Variants in PLEKHG1 observed in about 807,000 individuals in gnomAD.
PLEKHG1 encodes the protein pleckstrin homology and RhoGEF domain containing G1, also known as pleckstrin homology domain-containing family G member 1.
PLEKHG1 carries 44 observed loss-of-function variants against 100.8 expected under a neutral mutation model. That is an observed-to-expected ratio of 0.44 (90% CI 0.34 to 0.56). The LOEUF (loss-of-function observed/expected upper bound fraction) is 0.56. Among genes scored for constraint, PLEKHG1 ranks in the 20% least tolerant of loss-of-function variants. The pLI is 0.01. For synonymous variants in PLEKHG1, 640 were observed against 662.5 expected, an observed-to-expected ratio of 0.97 and a Z score of 0.52; for missense variants, 1,545 against 1,720.9, an observed-to-expected ratio of 0.90 and a Z score of 1.81.
intron 3 of PLEKHG1, among the ~76,000 whole-genome samples, chr6:150,682,458 TG>T (rs1311612891): frequency 1.3e-5 from 2 of 151,892 alleles, no homozygotes; most frequent in African/African-American, 4.8e-5. Flanking sequence ...CCACCAGACA[TG>T]GAGGCTTGGG....
At chr6:150,607,463 ATTAG>A (rs1776649340) in intron 1 of PLEKHG1, among the ~76,000 whole-genome samples, 1 of 152,226 alleles carries the variant, frequency 6.6e-6, no homozygotes, top group Non-Finnish European at 1.5e-5. Context: ...GTAACCTGCT[ATTAG>A]TTTAAGCATC....
intron 4 of PLEKHG1, among the ~76,000 whole-genome samples, chr6:150,790,149 G>A (rs1785886452): frequency 6.6e-6 from 1 of 152,126 alleles, no homozygotes; most frequent in Non-Finnish European, 1.5e-5. Flanking sequence ...GCCCCCACGA[G>A]TAGCTGGGAT....
chr6:150,752,195 T>A (rs559389802), intron 2 of PLEKHG1, among the ~76,000 whole-genome samples: 12 of 151,956 alleles, frequency 7.9e-5, no homozygotes, highest in South Asian at 2.1e-4. Context: ...CAAAAAAAAA[T>A]AAAATAAAAT....
intron 2 of PLEKHG1, among the ~76,000 whole-genome samples, chr6:150,763,350 G>A (rs1420394557): frequency 6.6e-6 from 1 of 152,038 alleles, no homozygotes; most frequent in Non-Finnish European, 1.5e-5. Context: ...TATCTTATCA[G>A]TCACAATGTT....
intron 2 of PLEKHG1, among the ~76,000 whole-genome samples, chr6:150,649,605 G>A (rs1426565317): frequency 1.3e-5 from 2 of 152,200 alleles, no homozygotes; most frequent in South Asian, 2.1e-4. Context: ...GGCTGGACGC[G>A]GTGGCTTATG....
chr6:150,801,427 C>CTTTTTTT (rs1562529984), intron 6 of PLEKHG1, among the ~76,000 whole-genome samples: 1 of 132,952 alleles, frequency 7.5e-6, no homozygotes. Context: ...ATTCTTTTTT[C>CTTTTTTT]TTTTCTTTTC....
At chr6:150,763,024 CTTTTT>C (rs60462437) in intron 2 of PLEKHG1, among the ~76,000 whole-genome samples, 29 of 76,506 alleles carry the variant, frequency 3.8e-4, no homozygotes, top group African/African-American at 1.9e-3. Context: ...GATAAAGCTT[CTTTTT>C]TTTTTTTTTT....
rs1460422610 is a variant in PLEKHG1 at position 150,626,484 on chromosome 6, A to G, written c.-203-11596A>G. 4.6e-5 allele frequency among the ~76,000 whole-genome samples: 7 copies of G among 152,242 alleles called. No homozygotes were observed. In the East Asian group the frequency reaches 1.4e-3, roughly 29 times the overall value. On this transcript the variant is annotated intron_variant, in intron 1 of 3. Transcript: ENST00000367326. ...GAAGGGGCGTTGGGGACACCAGAAC[A>G]TGTGCTCTGTCTCTGTTTACTGCCG... is the stretch of plus-strand genomic sequence containing the variant.
intron 3 of PLEKHG1, among the ~76,000 whole-genome samples, chr6:150,680,110 G>A (rs1779884053): frequency 6.6e-6 from 1 of 152,204 alleles, no homozygotes; most frequent in Non-Finnish European, 1.5e-5. Context: ...ATGGGGTAAG[G>A]ATAGGGTGAC....
intron 3 of PLEKHG1, among the ~76,000 whole-genome samples, chr6:150,715,838 G>T (rs918979385): frequency 1.3e-5 from 2 of 149,250 alleles, no homozygotes; most frequent in African/African-American, 4.9e-5. Context: ...GCCGGGCGCG[G>T]TGGCTCACGC....
At chr6:150,642,793 G>A (rs762521497) in intron 2 of PLEKHG1, among the ~76,000 whole-genome samples, 1 of 152,178 alleles carries the variant, frequency 6.6e-6, no homozygotes, top group African/African-American at 2.4e-5. Context: ...TACAGCACTT[G>A]TAATATAGCT....
At chr6:150,637,392 T>G (rs1051397452) in intron 1 of PLEKHG1, among the ~76,000 whole-genome samples, 2 of 149,962 alleles carry the variant, frequency 1.3e-5, no homozygotes, top group Admixed American at 6.7e-5. Flanking sequence ...GTTTTTGGGT[T>G]TTTTTTTTTA....
intron 3 of PLEKHG1, among the ~76,000 whole-genome samples, chr6:150,676,580 G>A (rs930517696): frequency 6.6e-6 from 1 of 152,050 alleles, no homozygotes; most frequent in Non-Finnish European, 1.5e-5. Flanking sequence ...TTATCCCGAC[G>A]GTGTCATGAG....
chr6:150,673,164 G>A (rs1779633816), intron 3 of PLEKHG1, among the ~76,000 whole-genome samples: 1 of 152,090 alleles, frequency 6.6e-6, no homozygotes, highest in Non-Finnish European at 1.5e-5. Flanking sequence ...CAGTTCTTAT[G>A]CCATAGAAAA....
At chr6:150,724,558 C>CTTTTTT (rs34140367) in intron 1 of PLEKHG1, among the ~76,000 whole-genome samples, 31 of 100,474 alleles carry the variant, frequency 3.1e-4, no homozygotes, top group East Asian at 5.6e-4. Context: ...TTTTCTTTTT[C>CTTTTTT]TTTTTTTTTT....
chr6:150,839,396 G>A (rs1488891841), intron 15 of PLEKHG1, among the ~76,000 whole-genome samples: 2 of 152,288 alleles, frequency 1.3e-5, no homozygotes, highest in Admixed American at 1.3e-4. Context: ...AATTACAGGC[G>A]TGAGCTATTA....
intron 1 of PLEKHG1, among the ~76,000 whole-genome samples, chr6:150,606,373 C>T (rs1776600199): frequency 6.6e-6 from 1 of 152,188 alleles, no homozygotes; most frequent in Non-Finnish European, 1.5e-5. Context: ...TACTCCTTCT[C>T]TCCTCCCTAT....
intron 5 of PLEKHG1, among the ~76,000 whole-genome samples, chr6:150,799,643 T>C (rs1221236355): frequency 6.6e-6 from 1 of 152,210 alleles, no homozygotes; most frequent in African/African-American, 2.4e-5. Context: ...ATGGAGAGTT[T>C]TGAAATCTTG....
intron 3 of PLEKHG1, among the ~76,000 whole-genome samples, chr6:150,715,830 C>T (rs554470429): frequency 6.8e-6 from 1 of 147,666 alleles, no homozygotes; most frequent in African/African-American, 2.5e-5. Context: ...TGGCCGCGGC[C>T]GGGCGCGGTG....
Sources: allele counts gnomAD v4.1 joint callset (sites outside exome capture counted in the v4.1 genomes callset), GRCh38; gene constraint gnomAD v4.1.1; transcripts MANE v1.5; gene names NCBI Gene and HGNC (gene_info 2026-07-23, HGNC 2026-07-21).